TBC1D15: variants seen among roughly 807,000 people sequenced by gnomAD.
TBC1D15 encodes GAP for RAB7.
TBC1D15 carries 39 observed loss-of-function variants against 95.4 expected under a neutral mutation model. The ratio of observed to expected loss-of-function variants is 0.41; its 90% confidence interval spans 0.32 to 0.53. TBC1D15 has a LOEUF of 0.53. Among genes scored for constraint, TBC1D15 ranks in the 20% least tolerant of loss-of-function variants. TBC1D15 has a pLI of 0.29. For missense variants in TBC1D15, 733 were observed against 794.3 expected (o/e 0.92, Z 0.93); for synonymous variants, 258 against 261.3 (o/e 0.99, Z 0.12).
chr12:71,869,523 A>AAAAAC lies in TBC1D15; in HGVS notation c.31-2521_31-2517dup, dbSNP rs200957061. On this transcript the variant is annotated intron_variant, in intron 1 of 16. Coordinates refer to ENST00000485960, the MANE Select transcript of TBC1D15 (RefSeq NM_001146213.3). ...GGGCAACAGAGCAAAACTGTGTCTC[A>AAAAAC]AAAACAAAACAAAACAAAACAAAAC... Among the ~76,000 whole-genome samples the AAAAAC allele has an allele frequency of 7.6e-3, 1,153 of 152,218 alleles. 6 individuals are homozygous for AAAAAC. The highest frequency in any genetic ancestry group is 0.041 in the East Asian group (210 of 5,162).
Position 71,921,386 on chromosome 12 carries a change from A to T in TBC1D15, c.1735A>T (p.Met579Leu). 3 of 1,559,554 alleles carry T rather than the reference A, an allele frequency of 1.9e-6. No individual in the cohort carries two copies. The highest frequency in any genetic ancestry group is 2.6e-6 in the Non-Finnish European group (3 of 1,148,262). ...EILKHINELS[M>L]KIDVEDILCK... ...TTTTTAGCATATCAATGAATTGTCC[A>T]TGAAAATTGATGTGGAAGATATACT... Residue 579 changes from methionine to leucine, a missense_variant, in exon 16 of 17, where the codon ATG becomes TTG. Met to Leu is a conservative substitution (Grantham distance 15). Coordinates refer to ENST00000485960, the MANE Select transcript of TBC1D15 (RefSeq NM_001146213.3).
intron 5 of TBC1D15, among the ~76,000 whole-genome samples, chr12:71,892,957 C>T (rs1897452187): frequency 1.3e-5 from 2 of 151,434 alleles, no homozygotes; most frequent in Non-Finnish European, 3.0e-5. Context: ...TTGGCTTTAC[C>T]TGGAATAAAA....
chr12:71,865,073 G>A (rs756324062), intron 1 of TBC1D15, among the ~76,000 whole-genome samples: 6 of 152,184 alleles, frequency 3.9e-5, no homozygotes, highest in Non-Finnish European at 1.5e-5. Flanking sequence ...TGTCAGATTT[G>A]TTGTGGCCCA....
chr12:71,839,827 C>T lies in TBC1D15; in HGVS notation c.30+16C>T, dbSNP rs1302255487. ...GAGCGGGAAGGTAGGTAACGGCCTC[C>T]AGGAAGACCTCGGCTTTTCTCTGGG... On this transcript the variant is annotated intron_variant, in intron 1 of 16. Transcript: ENST00000485960. The T allele has an allele frequency of 3.1e-6, 5 of 1,613,990 alleles. No individual in the cohort carries two copies. Among genetic ancestry groups the T allele is most frequent in the South Asian group, 2.2e-5 (2 of 91,094 alleles).
chr12:71,896,635 A>G (rs1178217653), intron 8 of TBC1D15, 42 bp from the exon 9 acceptor site: 8 of 1,519,518 alleles, frequency 5.3e-6, no homozygotes, highest in Admixed American at 1.9e-5. Flanking sequence ...ACAGTATTAC[A>G]TTCTTTTTCA....
chr12:71,890,447 A>G (rs1193271392), intron 5 of TBC1D15, among the ~76,000 whole-genome samples: 3 of 151,082 alleles, frequency 2.0e-5, no homozygotes, highest in Non-Finnish European at 4.4e-5. Context: ...CTTTTTTTTT[A>G]TTTTTGATTA....
At chr12:71,884,788 TG>T in intron 4 of TBC1D15, 22 bp from the exon 5 acceptor site, 1 of 1,611,880 alleles carries the variant, frequency 6.2e-7, no homozygotes, top group Non-Finnish European at 8.5e-7. Context: ...AAAAATATTT[TG>T]CCCCACTTTC....
intron 12 of TBC1D15, 46 bp downstream of exon 12, chr12:71,913,972 G>T (rs746581844): frequency 1.4e-6 from 2 of 1,416,326 alleles, no homozygotes; most frequent in African/African-American, 3.0e-5. Flanking sequence ...TAAAATTTTA[G>T]TTGTATAATT....
intron 5 of TBC1D15, among the ~76,000 whole-genome samples, chr12:71,887,866 G>C (rs1051627331): frequency 6.6e-6 from 1 of 152,232 alleles, no homozygotes; most frequent in East Asian, 1.9e-4. Flanking sequence ...TACAGTTTCT[G>C]GTACATAATA....
chr12:71,901,205 A>G (rs1020015425), intron 10 of TBC1D15, among the ~76,000 whole-genome samples: 4 of 152,036 alleles, frequency 2.6e-5, no homozygotes, highest in African/African-American at 9.7e-5. Context: ...ATTTTTTTGT[A>G]CAAATAGGGT....
chr12:71,898,401 A>G (rs919801551), intron 10 of TBC1D15, among the ~76,000 whole-genome samples: 3 of 152,100 alleles, frequency 2.0e-5, no homozygotes, highest in Non-Finnish European at 2.9e-5. Context: ...AAATATACAT[A>G]TATTTCATTT....
intron 3 of TBC1D15, among the ~76,000 whole-genome samples, chr12:71,875,786 G>T (rs1016853008): frequency 2.1e-4 from 32 of 151,310 alleles, no homozygotes; most frequent in African/African-American, 6.8e-4. Context: ...TTTTATTAAA[G>T]ATTTTATTTT....
At chr12:71,850,493 A>C (rs1439026385) in intron 1 of TBC1D15, 1 of 167,344 alleles carries the variant, frequency 6.0e-6, no homozygotes, top group Non-Finnish European at 1.3e-5. Flanking sequence ...GCTCACTACA[A>C]CCTTGAATTC....
In TBC1D15 at chr12:71,907,016, C is replaced by T; in HGVS notation, c.1184-6C>T. On this transcript the variant is annotated splice_region_variant and splice_polypyrimidine_tract_variant and intron_variant, in intron 10 of 16. Coordinates refer to ENST00000485960, the MANE Select transcript of TBC1D15 (RefSeq NM_001146213.3). ...TTTTCAAATATGTGATGATTTTCCT[C>T]TTCAGAAAAAGATGTTAACAGAACA... is the stretch of plus-strand genomic sequence containing the variant. The T allele has an allele frequency of 6.4e-7, 1 of 1,565,554 alleles. No homozygotes were observed. Among genetic ancestry groups the T allele is most frequent in the Non-Finnish European group, 8.7e-7 (1 of 1,151,496 alleles).
intron 5 of TBC1D15, among the ~76,000 whole-genome samples, chr12:71,885,611 A>G (rs923681642): frequency 1.3e-5 from 2 of 152,164 alleles, no homozygotes; most frequent in Admixed American, 6.5e-5. Context: ...GTTCCTAGGA[A>G]TTAGAGAATT....
At chr12:71,889,743 G>A (rs11830684) in intron 5 of TBC1D15, among the ~76,000 whole-genome samples, 26,622 of 152,088 alleles carry the variant, frequency 0.18, 3,624 homozygotes, top group African/African-American at 0.38. Context: ...CACACAGGTA[G>A]TAAGTATAGT....
chr12:71,865,859 G>C (rs932891307), intron 1 of TBC1D15, among the ~76,000 whole-genome samples: 3 of 152,000 alleles, frequency 2.0e-5, no homozygotes, highest in African/African-American at 7.3e-5. Context: ...GGCCTGGTGG[G>C]GTGTGACTGT....
chr12:71,901,351 T>A (rs1899352873), intron 10 of TBC1D15, among the ~76,000 whole-genome samples: 1 of 152,118 alleles, frequency 6.6e-6, no homozygotes, highest in African/African-American at 2.4e-5. Context: ...TTTTTGTTTT[T>A]TACTAAGATG....
chr12:71,854,415 C>G, intron 1 of TBC1D15: 1 of 359,850 alleles, frequency 2.8e-6, no homozygotes, highest in Non-Finnish European at 5.4e-6. Context: ...ATCTTTTTTC[C>G]CCTTCAATCG....
Sources: allele counts gnomAD v4.1 joint callset (sites outside exome capture counted in the v4.1 genomes callset), GRCh38; gene constraint gnomAD v4.1.1; transcripts MANE v1.5; gene names NCBI Gene and HGNC (gene_info 2026-07-23, HGNC 2026-07-21).